Variants in THOC2 observed in about 807,000 individuals in gnomAD.
THOC2 encodes the protein THO complex subunit 2.
Under a neutral mutation model 128.4 loss-of-function variants are expected in THOC2, and 10 were observed. That is an observed-to-expected ratio of 0.08 (90% CI 0.05 to 0.13). The LOEUF is 0.13. THOC2 is among the 10% of genes least tolerant of loss of function. The pLI is 1.00. For missense variants in THOC2, 535 were observed against 1,155.7 expected, an observed-to-expected ratio of 0.46 and a Z score of 7.79; for synonymous variants, 393 against 396.9, an observed-to-expected ratio of 0.99 and a Z score of 0.12.
intron 33 of THOC2, among the ~76,000 whole-genome samples, chrX:123,615,324 C>T (rs751959068): frequency 9.0e-6 from 1 of 110,990 alleles, no homozygotes; most frequent in Admixed American, 9.5e-5. Context: ...TTAACACCAC[C>T]AAACATTTTC....
chrX:123,709,677 T>G (rs1025630725), intron 2 of THOC2, among the ~76,000 whole-genome samples: 1 of 111,964 alleles, frequency 8.9e-6, no homozygotes, highest in Non-Finnish European at 1.9e-5. Context: ...CTTGGTTATG[T>G]CTAATATTGC....
intron 21 of THOC2, 73 bp downstream of exon 21, chrX:123,632,788 A>G (rs186519832): frequency 3.6e-5 from 32 of 900,661 alleles, no homozygotes; most frequent in Non-Finnish European, 4.8e-5. Context: ...GACATTTTTC[A>G]AATTATAACA....
chrX:123,692,372 A>AT (rs774625845), intron 7 of THOC2, among the ~76,000 whole-genome samples: 54 of 112,254 alleles, frequency 4.8e-4, no homozygotes, highest in African/African-American at 1.7e-3. Context: ...TCAGATCACA[A>AT]TCACCATGCA....
rs1023069786 is a variant in THOC2, at chrX:123,700,660, T to C, written c.274+2794A>G. On this transcript the variant is annotated intron_variant, in intron 4 of 38. Coordinates refer to ENST00000245838, the MANE Select transcript of THOC2 (RefSeq NM_001081550.2). The stretch of plus-strand genomic sequence containing the variant: ...ACAATATGATGTAATAAAAAGATCA[T>C]AGGCTGTGGAGCCAAAGGGACCCAG... Among the ~76,000 whole-genome samples, 60 of 111,075 alleles carry C rather than the reference T, an allele frequency of 5.4e-4. 1 individual carries two copies. The highest frequency in any genetic ancestry group is 4.0e-3 in the Admixed American group (42 of 10,477).
intron 4 of THOC2, among the ~76,000 whole-genome samples, chrX:123,702,633 G>GTA (rs1388395076): frequency 4.9e-5 from 5 of 103,056 alleles, no homozygotes; most frequent in Non-Finnish European, 9.8e-5. Flanking sequence ...TATTTTATAT[G>GTA]TATATATATA....
rs2047055565 is a variant in THOC2, at chrX:123,620,801, A to C, written c.4275+106T>G. On this transcript the variant is annotated intron_variant, in intron 32 of 38. Transcript: ENST00000245838. ...TTTTCTAATGCAATATAAAACCTCCAGTGGCTCCAGTGAATGCTTGGCATA... is the reference window on the plus strand; with the variant it reads ...TTTTCTAATGCAATATAAAACCTCCCGTGGCTCCAGTGAATGCTTGGCATA... 10 of 731,981 alleles carry C rather than the reference A, an allele frequency of 1.4e-5. No homozygotes were observed. In the South Asian group the frequency reaches 2.0e-4, roughly 15 times the overall value. 60.3% of individuals were successfully genotyped at this position (731,981 alleles called of 1,213,427 possible).
intron 2 of THOC2, among the ~76,000 whole-genome samples, chrX:123,709,388 G>C (rs1387742328): frequency 9.0e-6 from 1 of 110,614 alleles, no homozygotes; most frequent in Non-Finnish European, 1.9e-5. Context: ...TAAGGAGACC[G>C]AGACCATCCT....
chrX:123,609,439 C>A (rs1020287323), intron 38 of THOC2, among the ~76,000 whole-genome samples: 4 of 111,800 alleles, frequency 3.6e-5, no homozygotes, highest in African/African-American at 6.5e-5. Context: ...ATAAGGCAAC[C>A]TCTCGAATCC....
intron 7 of THOC2, among the ~76,000 whole-genome samples, chrX:123,689,983 T>G (rs2147881083): frequency 9.0e-6 from 1 of 110,727 alleles, no homozygotes; most frequent in Non-Finnish European, 1.9e-5. Flanking sequence ...CAGCAATTTA[T>G]ATATATATAC....
chrX:123,611,512 G>A lies in THOC2; in HGVS notation c.4682C>T (p.Ser1561Phe), dbSNP rs761373337. ...DKISSGGKKESRHDKEKIEKK... is the reference protein window; with the variant it reads ...DKISSGGKKEFRHDKEKIEKK... ...TTCTATCTTTTCTTTATCATGCCTG[G>A]ACTCCTATAAGAAATAGTAGAATTA... Residue 1561 changes from serine to phenylalanine, a missense_variant, in exon 37 of 39, where the codon TCC (serine) becomes TTC (phenylalanine). Transcript: ENST00000245838. The A allele has an allele frequency of 8.7e-7, 1 of 1,153,442 alleles. No individual in the cohort carries two copies. Among genetic ancestry groups the A allele is most frequent in the Non-Finnish European group, 1.2e-6 (1 of 844,860 alleles).
chrX:123,660,792 A>C (rs938912799), intron 12 of THOC2, among the ~76,000 whole-genome samples: 20 of 112,440 alleles, frequency 1.8e-4, no homozygotes, highest in African/African-American at 6.5e-4. Context: ...TGTTACAAGC[A>C]ATCCCATTAC....
chrX:123,601,792 G>A (rs1050008674), intron 38 of THOC2: 6 of 111,400 alleles, frequency 5.4e-5, no homozygotes, highest in Non-Finnish European at 7.5e-5. Flanking sequence ...ACAACGGCAA[G>A]CAATAGCTTA....
chrX:123,686,739 A>G (rs746823941), intron 7 of THOC2, 25 bp from the exon 8 acceptor site: 3 of 1,093,121 alleles, frequency 2.7e-6, no homozygotes, highest in Non-Finnish European at 3.7e-6. Context: ...ACATACAAAA[A>G]TTTAAAAATG....
rs1428596312 is a variant in THOC2, at chrX:123,720,758, T to C, written c.72-7850A>G. ...TAAAAAAAAGAAGGAAATCCTGTCA[T>C]GTGCTACAATGTGGATGAACCTTAA... On this transcript the variant is annotated intron_variant, in intron 1 of 38. Transcript: ENST00000245838. 2.7e-5 allele frequency among the ~76,000 whole-genome samples: 3 copies of C among 112,055 alleles called. No homozygotes were observed. In the Admixed American group the frequency reaches 2.9e-4, roughly 11 times the overall value.
intron 33 of THOC2, 113 bp from the exon 34 acceptor site, chrX:123,614,302 C>T: frequency 1.7e-6 from 1 of 585,152 alleles, no homozygotes; most frequent in Non-Finnish European, 2.5e-6. Flanking sequence ...AAAAACTGGT[C>T]AGCTATCTGG....
chrX:123,719,390 G>T (rs963498432), intron 1 of THOC2, among the ~76,000 whole-genome samples: 1 of 110,103 alleles, frequency 9.1e-6, no homozygotes, highest in East Asian at 2.9e-4. Flanking sequence ...AATAAGTATC[G>T]AAGATGTGGA....
At chrX:123,673,484 T>C (rs1226958068) in intron 8 of THOC2, among the ~76,000 whole-genome samples, 1 of 112,005 alleles carries the variant, frequency 8.9e-6, no homozygotes, top group Non-Finnish European at 1.9e-5. Context: ...TGTCCTCCAC[T>C]ACCTGACTTG....
chrX:123,682,937 G>C (rs991318503), intron 8 of THOC2, among the ~76,000 whole-genome samples: 3 of 110,905 alleles, frequency 2.7e-5, no homozygotes, highest in Non-Finnish European at 3.8e-5. Context: ...CCTGTAACAA[G>C]ACAACTCCAG....
chrX:123,686,106 C>T (rs778382643), intron 8 of THOC2, among the ~76,000 whole-genome samples: 69 of 111,720 alleles, frequency 6.2e-4, no homozygotes, highest in African/African-American at 2.2e-3. Context: ...ACATACCTTC[C>T]CAATTTCATT....
Sources: gnomAD v4.1 joint callset for allele counts (sites outside exome capture counted in the v4.1 genomes callset) on GRCh38, gnomAD v4.1.1 for gene constraint, MANE v1.5 for transcripts, NCBI Gene and HGNC (gene_info 2026-07-23, HGNC 2026-07-21) for gene names.